NKAIN2: variants seen among roughly 807,000 people sequenced by gnomAD.
NKAIN2 encodes sodium/potassium transporting ATPase interacting 2, also known as sodium/potassium-transporting ATPase subunit beta-1-interacting protein 2.
NKAIN2 carries 14 observed loss-of-function variants against 32.6 expected under a neutral mutation model. The observed-to-expected ratio is 0.43, with a 90% confidence interval of 0.28 to 0.67. The LOEUF (loss-of-function observed/expected upper bound fraction) is 0.67. Among genes scored for constraint, NKAIN2 ranks in the 30% least tolerant of loss-of-function variants. The pLI is 0.17. For missense variants in NKAIN2, 198 were observed against 258.3 expected (o/e 0.77, Z 1.60); for synonymous variants, 80 against 87.2 (o/e 0.92, Z 0.46).
intron 3 of NKAIN2, among the ~76,000 whole-genome samples, chr6:124,564,315 G>A (rs1299882691): frequency 6.6e-6 from 1 of 152,122 alleles, no homozygotes; most frequent in Non-Finnish European, 1.5e-5. Context: ...AGCACTCTGT[G>A]TCTAGTAAAG....
rs911441434 is a variant in NKAIN2, at chr6:123,804,213, A to G, written c.13A>G (p.Ser5Gly). MGYC[S>G]GRCTLIFICG... ...GGTCTCGGAAACCATGGGTTATTGC[A>G]GTGGCAGGTGCACGCTTATCTTTAT... The change falls in exon 1 of 7, where the codon AGT (serine) becomes GGT (glycine). Residue 5 changes from serine (S) to glycine (G), a missense_variant. Physicochemically the swap from Ser to Gly is moderately conservative, Grantham distance 56. Transcript: ENST00000368417. The G allele has an allele frequency of 6.2e-6, 10 of 1,613,864 alleles. No individual in the cohort carries two copies. Among genetic ancestry groups the G allele is most frequent in the Non-Finnish European group, 8.5e-6 (10 of 1,179,916 alleles).
intron 3 of NKAIN2, among the ~76,000 whole-genome samples, chr6:124,608,803 A>T (rs1782587395): frequency 6.6e-6 from 1 of 152,176 alleles, no homozygotes; most frequent in Non-Finnish European, 1.5e-5. Flanking sequence ...CTGACCAAGA[A>T]GGTCAAGATG....
intron 3 of NKAIN2, among the ~76,000 whole-genome samples, chr6:124,415,084 G>A (rs965471400): frequency 6.6e-6 from 1 of 152,138 alleles, no homozygotes; most frequent in African/African-American, 2.4e-5. Flanking sequence ...GGAAAGTAAT[G>A]CATTCTGCAG....
chr6:124,771,766 T>C (rs1471390467), intron 4 of NKAIN2, among the ~76,000 whole-genome samples: 1 of 152,188 alleles, frequency 6.6e-6, no homozygotes, highest in East Asian at 1.9e-4. Flanking sequence ...TTAAAAAGTG[T>C]TTATTTCTTA....
intron 1 of NKAIN2, among the ~76,000 whole-genome samples, chr6:123,844,763 A>G (rs1318782078): frequency 1.3e-5 from 2 of 152,332 alleles, no homozygotes; most frequent in African/African-American, 2.4e-5. Context: ...AGATGTGACA[A>G]TTCCTGAGGT....
intron 3 of NKAIN2, among the ~76,000 whole-genome samples, chr6:124,487,216 CAG>C (rs1777687322): frequency 6.6e-6 from 1 of 152,082 alleles, no homozygotes; most frequent in Non-Finnish European, 1.5e-5. Flanking sequence ...TCTGTTCACT[CAG>C]AGTCTCTACT....
chr6:123,977,956 G>A (rs1017861684), intron 1 of NKAIN2, among the ~76,000 whole-genome samples: 1 of 152,098 alleles, frequency 6.6e-6, no homozygotes, highest in African/African-American at 2.4e-5. Context: ...TATTGAGGAG[G>A]AAGATACAAA....
intron 1 of NKAIN2, among the ~76,000 whole-genome samples, chr6:123,866,981 C>T (rs564494083): frequency 1.3e-5 from 2 of 152,192 alleles, no homozygotes; most frequent in Admixed American, 1.3e-4. Context: ...GTAACTGTGC[C>T]TTATTTAATT....
chr6:124,724,916 T>C (rs192486931), intron 4 of NKAIN2, among the ~76,000 whole-genome samples: 1 of 152,226 alleles, frequency 6.6e-6, no homozygotes, highest in Admixed American at 6.5e-5. Context: ...TTCTTCTAGT[T>C]CCAAGTTGAG....
chr6:124,805,914 T>A (rs912623723), intron 5 of NKAIN2, among the ~76,000 whole-genome samples: 5 of 151,766 alleles, frequency 3.3e-5, no homozygotes, highest in African/African-American at 1.2e-4. Flanking sequence ...ATGAATGAAA[T>A]GAAGCAAGAA....
At chr6:124,123,303 G>A (rs1785983869) in intron 1 of NKAIN2, among the ~76,000 whole-genome samples, 2 of 152,018 alleles carry the variant, frequency 1.3e-5, no homozygotes, top group African/African-American at 4.8e-5. Context: ...GAAATCTAGA[G>A]CATTGGAGGG....
intron 4 of NKAIN2, among the ~76,000 whole-genome samples, chr6:124,768,214 G>A (rs1460924329): frequency 6.6e-6 from 1 of 152,142 alleles, no homozygotes; most frequent in Non-Finnish European, 1.5e-5. Context: ...ATAATTTGTA[G>A]ATGGTATATT....
chr6:124,205,224 C>T (rs1375173371), intron 1 of NKAIN2, among the ~76,000 whole-genome samples: 5 of 151,668 alleles, frequency 3.3e-5, no homozygotes, highest in Non-Finnish European at 5.9e-5. Context: ...TGGACAATTC[C>T]GTGAGGAAGG....
chr6:124,277,020 A>G (rs1224496137), intron 1 of NKAIN2, among the ~76,000 whole-genome samples: 1 of 152,194 alleles, frequency 6.6e-6, no homozygotes, highest in African/African-American at 2.4e-5. Context: ...TGTACTGAGA[A>G]GTTGGGCACA....
chr6:123,995,006 G>A (rs1307060058), intron 1 of NKAIN2, among the ~76,000 whole-genome samples: 2 of 152,124 alleles, frequency 1.3e-5, no homozygotes, highest in Non-Finnish European at 2.9e-5. Context: ...GTAAAGCAAC[G>A]TTAAATTCTG....
At chr6:123,978,350 G>T (rs950767484) in intron 1 of NKAIN2, among the ~76,000 whole-genome samples, 11 of 152,106 alleles carry the variant, frequency 7.2e-5, no homozygotes, top group African/African-American at 2.7e-4. Flanking sequence ...TTTGAATTAT[G>T]AGTCTATAAA....
intron 3 of NKAIN2, among the ~76,000 whole-genome samples, chr6:124,417,749 G>T (rs963232393): frequency 1.3e-5 from 2 of 152,078 alleles, no homozygotes; most frequent in African/African-American, 2.4e-5. Flanking sequence ...TGTTTCCTCT[G>T]TCTCAGGCTT....
At chr6:123,908,696 A>G (rs1044955956) in intron 1 of NKAIN2, among the ~76,000 whole-genome samples, 3 of 152,198 alleles carry the variant, frequency 2.0e-5, no homozygotes, top group Admixed American at 1.3e-4. Flanking sequence ...CCACTTACGT[A>G]CTGTTTATCT....
intron 1 of NKAIN2, among the ~76,000 whole-genome samples, chr6:124,249,142 G>A (rs1476906177): frequency 6.6e-6 from 1 of 152,102 alleles, no homozygotes; most frequent in Non-Finnish European, 1.5e-5. Context: ...ACAATTTGCT[G>A]CAATTTGTGA....
Sources: gnomAD v4.1 joint callset for allele counts (sites outside exome capture counted in the v4.1 genomes callset) on GRCh38, gnomAD v4.1.1 for gene constraint, MANE v1.5 for transcripts, NCBI Gene and HGNC (gene_info 2026-07-23, HGNC 2026-07-21) for gene names.